Variants in MMUT observed in about 807,000 individuals in gnomAD.
MMUT encodes methylmalonyl-CoA mutase, mitochondrial.
In MMUT, 79 loss-of-function variants were observed where a neutral mutation model predicts 79.9. The ratio of observed to expected loss-of-function variants is 0.99; its 90% CI spans 0.82 to 1.19. The LOEUF is 1.19. MMUT is among the 50% of genes most tolerant of loss of function. The pLI is 0.00. For missense variants in MMUT, 860 were observed against 917.2 expected, an observed-to-expected ratio of 0.94 and a Z score of 0.81; for synonymous variants, 273 against 295.7, an observed-to-expected ratio of 0.92 and a Z score of 0.79.
At chr6:49,453,465 T>C (rs1767607399) in intron 5 of MMUT, 120 bp downstream of exon 5, 3 of 423,426 alleles carry the variant, frequency 7.1e-6, no homozygotes, top group Non-Finnish European at 1.2e-5. Context: ...TCAGAATATT[T>C]ATCATTTCAA....
At chr6:49,433,567 G>T (rs372240294) in intron 12 of MMUT, among the ~76,000 whole-genome samples, 1 of 152,300 alleles carries the variant, frequency 6.6e-6, no homozygotes, top group African/African-American at 2.4e-5. Context: ...ATGGAAGCAG[G>T]CATTGTGAGT....
chr6:49,436,286 A>G (rs886226711), intron 11 of MMUT, among the ~76,000 whole-genome samples: 1 of 152,144 alleles, frequency 6.6e-6, no homozygotes, highest in Non-Finnish European at 1.5e-5. Flanking sequence ...CATATACCCA[A>G]ATGAACAGAA....
At chr6:49,459,529 A>C in intron 1 of MMUT, 24 bp from the exon 2 acceptor site, 2 of 1,561,644 alleles carry the variant, frequency 1.3e-6, no homozygotes, top group Non-Finnish European at 1.7e-6. Context: ...CATAGAGTAA[A>C]AACATTTAGA....
intron 11 of MMUT, 132 bp downstream of exon 11, chr6:49,440,074 C>T: frequency 8.1e-7 from 1 of 1,240,434 alleles, no homozygotes; most frequent in South Asian, 1.2e-5. Context: ...AGGCATTTGC[C>T]AAGTCAGTGG....
rs1767516106 is a variant in MMUT, at chr6:49,450,206, G to A, written c.1332+1260C>T. On this transcript the variant is annotated intron_variant, in intron 6 of 12. Transcript: ENST00000274813. ...AGATCACGCCACTGCACTCCAGCCT[G>A]GTGACAGAGTAAGACTCTGTCTTAA... Among the ~76,000 whole-genome samples the A allele has an allele frequency of 2.0e-5, 3 of 150,172 alleles. No homozygotes were observed. In the South Asian group the frequency reaches 6.4e-4, roughly 32 times the overall value.
In MMUT at chr6:49,456,493, A is replaced by G. The variant is rs575385309; in HGVS notation, c.754-256T>C. On this transcript the variant is annotated intron_variant, in intron 3 of 12. Transcript: ENST00000274813. Reference sequence around the variant, plus strand: ...TGGTGGACAAGAATTTATACTAACCATTCTGAAAGTTTAAATTGTGGAATT... The same window carrying G: ...TGGTGGACAAGAATTTATACTAACCGTTCTGAAAGTTTAAATTGTGGAATT... 1.1e-4 allele frequency among the ~76,000 whole-genome samples: 16 copies of G among 152,268 alleles called. No homozygotes were observed. The East Asian group carries it at 3.1e-3, about 29-fold the overall frequency.
At chr6:49,444,046 T>C (rs559793595) in intron 9 of MMUT, among the ~76,000 whole-genome samples, 22 of 152,028 alleles carry the variant, frequency 1.4e-4, no homozygotes, top group Admixed American at 7.9e-4. Flanking sequence ...TAAGAGCAAT[T>C]ATATTACAGT....
intron 2 of MMUT, 93 bp downstream of exon 2, chr6:49,458,989 A>C (rs755254104): frequency 1.7e-5 from 22 of 1,258,832 alleles, no homozygotes; most frequent in African/African-American, 3.0e-5. Context: ...TTATAGAGTG[A>C]ATATCATCTT....
At chr6:49,436,604 C>CAAAAAAA (rs35151510) in intron 11 of MMUT, among the ~76,000 whole-genome samples, 2 of 110,964 alleles carry the variant, frequency 1.8e-5, no homozygotes. Flanking sequence ...GACTCTGTTT[C>CAAAAAAA]AAAAAAAAAA....
chr6:49,435,882 CTG>C (rs1767110347), intron 11 of MMUT, among the ~76,000 whole-genome samples: 1 of 152,192 alleles, frequency 6.6e-6, no homozygotes. Flanking sequence ...CTTTTGCAAA[CTG>C]TGAATCTGAC....
chr6:49,448,326 T>G (rs1326731216), intron 7 of MMUT, among the ~76,000 whole-genome samples: 1 of 152,060 alleles, frequency 6.6e-6, no homozygotes, highest in Non-Finnish European at 1.5e-5. Flanking sequence ...ATTTCCTTCA[T>G]AGCACTTATC....
At chr6:49,459,551 G>T in intron 1 of MMUT, 46 bp from the exon 2 acceptor site, 1 of 1,392,000 alleles carries the variant, frequency 7.2e-7, no homozygotes, top group Non-Finnish European at 9.9e-7. Flanking sequence ...GAGGGGGTGG[G>T]AAATAGGAGC....
intron 1 of MMUT, among the ~76,000 whole-genome samples, chr6:49,462,446 T>A (rs1366490756): frequency 1.3e-5 from 2 of 152,192 alleles, no homozygotes; most frequent in African/African-American, 4.8e-5. Context: ...CATAAGTACA[T>A]CATTAAACAC....
intron 4 of MMUT, among the ~76,000 whole-genome samples, chr6:49,455,127 T>TA (rs140479543): frequency 0.038 from 5,688 of 151,134 alleles, 149 homozygotes; most frequent in Non-Finnish European, 0.058. Context: ...GTATGCTTCT[T>TA]AAAAAAATAT....
chr6:49,456,020 T>C, intron 4 of MMUT, 60 bp downstream of exon 4: 2 of 1,335,030 alleles, frequency 1.5e-6, no homozygotes, highest in Non-Finnish European at 1.1e-6. Flanking sequence ...TTTATCAATA[T>C]ATAAAATGGT....
At chr6:49,445,529 T>C (rs567954101) in intron 8 of MMUT, among the ~76,000 whole-genome samples, 1 of 152,166 alleles carries the variant, frequency 6.6e-6, no homozygotes, top group South Asian at 2.1e-4. Flanking sequence ...TATCCACAGA[T>C]AGCAAAATTC....
At chr6:49,431,936 TCA>T in intron 12 of MMUT, 80 bp from the exon 13 acceptor site, 1 of 1,515,396 alleles carries the variant, frequency 6.6e-7, no homozygotes, top group Non-Finnish European at 9.1e-7. Context: ...TTCTTCTTTG[TCA>T]CTCAATTACC....
At chr6:49,459,614 T>C in intron 1 of MMUT, 109 bp from the exon 2 acceptor site, 1 of 892,610 alleles carries the variant, frequency 1.1e-6, no homozygotes, top group Non-Finnish European at 1.7e-6. Flanking sequence ...CTGATTTCAT[T>C]TCTTCCCCTT....
chr6:49,441,041 C>T (rs1278428634), intron 10 of MMUT, among the ~76,000 whole-genome samples: 2 of 152,048 alleles, frequency 1.3e-5, no homozygotes, highest in Non-Finnish European at 2.9e-5. Flanking sequence ...CAAAAAAGCA[C>T]TTATCTTTGT....
Sources: allele counts gnomAD v4.1 joint callset (sites outside exome capture counted in the v4.1 genomes callset), GRCh38; gene constraint gnomAD v4.1.1; transcripts MANE v1.5; gene names NCBI Gene and HGNC (gene_info 2026-07-23, HGNC 2026-07-21).